SETD2: variants seen among roughly 807,000 people sequenced by gnomAD.
The protein encoded by SETD2 is SET domain containing 2, histone lysine methyltransferase.
In SETD2, 31 loss-of-function variants were observed where a neutral mutation model predicts 242.1. The ratio of observed to expected loss-of-function variants is 0.13; its 90% CI spans 0.10 to 0.17. The LOEUF is 0.17. SETD2 is among the 10% of genes least tolerant of loss of function. The probability of loss-of-function intolerance (pLI) is 1.00; values close to 1 mark genes in which losing one functional copy is unlikely to be tolerated. For synonymous variants in SETD2, 1,006 were observed against 1,066.5 expected, an observed-to-expected ratio of 0.94 and a Z score of 1.11; for missense variants, 2,481 against 3,046.3, an observed-to-expected ratio of 0.81 and a Z score of 4.37.
At chr3:47,081,689 T>G (rs1374614829) in intron 12 of SETD2, among the ~76,000 whole-genome samples, 1 of 152,220 alleles carries the variant, frequency 6.6e-6, no homozygotes, top group Non-Finnish European at 1.5e-5. Context: ...AATCAGAGTT[T>G]TGAAAACAGA....
intron 5 of SETD2, among the ~76,000 whole-genome samples, chr3:47,106,493 T>TTAAAAAAA (rs1309150228): frequency 3.5e-5 from 2 of 57,260 alleles, no homozygotes; most frequent in African/African-American, 1.3e-4. Flanking sequence ...ATTTTTGCTC[T>TTAAAAAAA]AAAAAAAAAA....
chr3:47,061,763 G>A (rs1416928610), intron 14 of SETD2, among the ~76,000 whole-genome samples: 2 of 152,146 alleles, frequency 1.3e-5, no homozygotes, highest in African/African-American at 4.8e-5. Flanking sequence ...GAGAGCTTCT[G>A]ACTAGATTTA....
At chr3:47,023,548 G>GCA (rs1467525591) in intron 18 of SETD2, among the ~76,000 whole-genome samples, 1 of 152,114 alleles carries the variant, frequency 6.6e-6, no homozygotes, top group Non-Finnish European at 1.5e-5. Context: ...AAGCTCTGCA[G>GCA]CACATGAACC....
chr3:47,043,199 T>C (rs1476740572), intron 16 of SETD2, among the ~76,000 whole-genome samples: 1 of 152,174 alleles, frequency 6.6e-6, no homozygotes, highest in Non-Finnish European at 1.5e-5. Flanking sequence ...TATGGACTGA[T>C]TTTTGTTTCC....
At position 47,113,957 on chromosome 3, in the gene SETD2, T is replaced by C. The variant is rs1419227458; in HGVS notation, c.4634A>G (p.Gln1545Arg). 1 of 1,613,584 alleles carries C rather than the reference T, an allele frequency of 6.2e-7. No individual in the cohort carries two copies. Among genetic ancestry groups the C allele is most frequent in the Non-Finnish European group, 8.5e-7 (1 of 1,179,620 alleles). ...NGDYCSNRRF[Q>R]RKQHADVEVI... ...TTCCACATCTGCATGCTGTTTTCTC[T>C]GAAACCGTCTATTGGAACAATAATC... The change falls in exon 5 of 21, where the codon CAG (glutamine) becomes CGG (arginine). Residue 1545 changes from glutamine to arginine, a missense_variant. By Grantham distance (43) the Gln-to-Arg change is conservative. Transcript: ENST00000409792.
chr3:47,142,825 G>A (rs1007400527), intron 1 of SETD2, among the ~76,000 whole-genome samples: 3 of 151,956 alleles, frequency 2.0e-5, no homozygotes, highest in Non-Finnish European at 2.9e-5. Context: ...CTGCCACCAC[G>A]CCCAACTGAT....
At chr3:47,064,209 G>C (rs1194569545) in intron 13 of SETD2, among the ~76,000 whole-genome samples, 2 of 152,082 alleles carry the variant, frequency 1.3e-5, no homozygotes, top group South Asian at 2.1e-4. Context: ...ACCGAGTTAG[G>C]TTTCATAAGC....
intron 14 of SETD2, among the ~76,000 whole-genome samples, chr3:47,060,300 A>C (rs376692547): frequency 6.6e-6 from 1 of 152,184 alleles, no homozygotes; most frequent in Non-Finnish European, 1.5e-5. Flanking sequence ...CATACTCAAA[A>C]TTGTATCAAT....
At chr3:47,056,160 T>C (rs909651043) in intron 15 of SETD2, among the ~76,000 whole-genome samples, 6 of 149,214 alleles carry the variant, frequency 4.0e-5, no homozygotes, top group African/African-American at 1.2e-4. Context: ...CATCTTGCCC[T>C]GTTGTCCAGG....
At chr3:47,119,395 TA>T (rs200765769) in intron 3 of SETD2, 218 of 152,384 alleles carry the variant, frequency 1.4e-3, no homozygotes, top group African/African-American at 4.2e-3. Flanking sequence ...AACAATAGTC[TA>T]AAAAAAAATG....
chr3:47,153,823 A>G (rs1255725284), intron 1 of SETD2, among the ~76,000 whole-genome samples: 1 of 152,166 alleles, frequency 6.6e-6, no homozygotes, highest in Non-Finnish European at 1.5e-5. Context: ...ACAAGTAACT[A>G]ATCAAAGTAA....
intron 15 of SETD2, among the ~76,000 whole-genome samples, chr3:47,055,767 C>G (rs1297391452): frequency 6.6e-6 from 1 of 151,794 alleles, no homozygotes; most frequent in Non-Finnish European, 1.5e-5. Flanking sequence ...CCCACCAGCA[C>G]TTTGGGAGGC....
At chr3:47,155,239 T>C (rs2044100573) in intron 1 of SETD2, among the ~76,000 whole-genome samples, 1 of 152,110 alleles carries the variant, frequency 6.6e-6, no homozygotes, top group Admixed American at 6.6e-5. Context: ...GGGTTACAAA[T>C]GTTAAAATGT....
At chr3:47,097,348 A>G (rs965467411) in intron 9 of SETD2, among the ~76,000 whole-genome samples, 5 of 152,186 alleles carry the variant, frequency 3.3e-5, no homozygotes, top group African/African-American at 1.2e-4. Context: ...AAGGGAGGAG[A>G]ATATTTTTTT....
In SETD2 at chr3:47,112,351, G is replaced by A. The variant is rs139093227; in HGVS notation, c.4715+1525C>T. On this transcript the variant is annotated intron_variant, in intron 5 of 20. Coordinates refer to ENST00000409792, the MANE Select transcript of SETD2 (RefSeq NM_014159.7). The stretch of plus-strand genomic sequence containing the variant: ...GGATGGAGTACAATGGCGCAATCTC[G>A]GCTCACTGCAACCTTCGCTTCCCCG... 7.3e-3 allele frequency among the ~76,000 whole-genome samples: 1,110 copies of A among 152,096 alleles called. 17 individuals are homozygous for A. The highest frequency in any genetic ancestry group is 0.025 in the African/African-American group (1,052 of 41,470).
At chr3:47,132,190 T>G (rs528964351) in intron 1 of SETD2, among the ~76,000 whole-genome samples, 1 of 149,302 alleles carries the variant, frequency 6.7e-6, no homozygotes, top group Non-Finnish European at 1.5e-5. Flanking sequence ...TGGAGTCCAG[T>G]GGCGCAATCT....
intron 15 of SETD2, chr3:47,047,090 T>C (rs935147883): frequency 1.3e-5 from 2 of 152,572 alleles, no homozygotes; most frequent in Non-Finnish European, 2.9e-5. Flanking sequence ...GTGTGAATCA[T>C]AGTAAATAAG....
At position 47,122,249 on chromosome 3, in the gene SETD2, G is replaced by A. The variant is rs1025206273; in HGVS notation, c.2387C>T (p.Thr796Ile). The A allele has an allele frequency of 1.9e-6, 3 of 1,614,108 alleles. No individual in the cohort carries two copies. The highest frequency in any genetic ancestry group is 1.7e-6 in the Non-Finnish European group (2 of 1,179,994). The part of the protein sequence containing the change: ...CKTKDSDIYC[T>I]LNDSNPSLCN... ...CAAAGAAGGGTTGCTATCGTTCAAA[G>A]TACAGTATATGTCTGAATCTTTGGT... Residue 796 changes from threonine to isoleucine, a missense_variant, in exon 3 of 21, where the codon ACT (threonine) becomes ATT (isoleucine). Physicochemically the swap from Thr to Ile is moderately conservative, Grantham distance 89. This residue lies in a region of SETD2 where 1,300 missense variants were observed against 1,259.2 expected (regional missense o/e 1.03). Coordinates refer to ENST00000409792, the MANE Select transcript of SETD2 (RefSeq NM_014159.7).
chr3:47,091,891 G>A (rs1200257716), intron 9 of SETD2, among the ~76,000 whole-genome samples: 1 of 152,098 alleles, frequency 6.6e-6, no homozygotes, highest in Non-Finnish European at 1.5e-5. Flanking sequence ...GTTGCAATGA[G>A]CTAAGATCAT....
Sources: gnomAD v4.1 joint callset for allele counts (sites outside exome capture counted in the v4.1 genomes callset) on GRCh38, gnomAD v4.1.1 for gene constraint, gnomAD v4.1.1 regional missense constraint, MANE v1.5 for transcripts, NCBI Gene and HGNC (gene_info 2026-07-23, HGNC 2026-07-21) for gene names.